The following SH3RF1 variants were observed in gnomAD, a reference collection of about 807,000 sequenced individuals.
SH3RF1 encodes E3 ubiquitin-protein ligase SH3RF1.
A neutral mutation model predicts 74.0 loss-of-function variants in SH3RF1; 32 were observed. That is an observed-to-expected ratio of 0.43 (90% CI 0.33 to 0.58). The LOEUF is 0.58. Among genes scored for constraint, SH3RF1 ranks in the 20% least tolerant of loss-of-function variants. The probability of loss-of-function intolerance (pLI) is 0.05; values close to 1 mark genes in which losing one functional copy is unlikely to be tolerated. For synonymous variants in SH3RF1, 396 were observed against 439.6 expected, an observed-to-expected ratio of 0.90 and a Z score of 1.24; for missense variants, 954 against 1,130.9, an observed-to-expected ratio of 0.84 and a Z score of 2.24.
At chr4:169,203,633 G>C (rs898089365) in intron 2 of SH3RF1, among the ~76,000 whole-genome samples, 3 of 152,102 alleles carry the variant, frequency 2.0e-5, no homozygotes, top group African/African-American at 7.2e-5. Flanking sequence ...TTCTGTAAGT[G>C]TATGGAATAT....
chr4:169,177,506 A>G (rs979935881), intron 2 of SH3RF1, among the ~76,000 whole-genome samples: 8 of 152,256 alleles, frequency 5.3e-5, no homozygotes, highest in African/African-American at 1.9e-4. Context: ...TAATGAGCAC[A>G]CAATAAATTT....
At chr4:169,154,312 C>T (rs1734018652) in intron 4 of SH3RF1, among the ~76,000 whole-genome samples, 1 of 152,142 alleles carries the variant, frequency 6.6e-6, no homozygotes, top group Admixed American at 6.5e-5. Context: ...CATGGATATA[C>T]AGTAGTCAAA....
chr4:169,166,739 A>G, intron 2 of SH3RF1: 1 of 214,728 alleles, frequency 4.7e-6, no homozygotes, highest in Non-Finnish European at 9.4e-6. Context: ...GGTGTCACAG[A>G]GGCAAGAGAA....
intron 2 of SH3RF1, among the ~76,000 whole-genome samples, chr4:169,234,842 T>C (rs551000473): frequency 6.6e-4 from 101 of 152,156 alleles, no homozygotes; most frequent in Non-Finnish European, 7.5e-4. Flanking sequence ...TAGTTGTTTG[T>C]TGGGGAGCGT....
chr4:169,095,325 T>TGGCTTTG lies in SH3RF1; in HGVS notation c.*1187_*1193dup, dbSNP rs1454780618. 3 of 152,662 alleles carry TGGCTTTG rather than the reference T, an allele frequency of 2.0e-5. No homozygotes were observed. The highest frequency in any genetic ancestry group is 7.2e-5 in the African/African-American group (3 of 41,440). The allele number at this position is 152,662 out of a possible 1,614,324, so 9.5% of individuals were successfully genotyped here. A position where few individuals can be genotyped will look rare whatever the true frequency, so the allele number is the denominator to read the frequency against. Reference sequence around the variant, plus strand: ...GCACTGAAGAGACCTTGGTCAGTAGTGGCTTTGGGGTAGAGAAGAGAACAC... The same window carrying TGGCTTTG: ...GCACTGAAGAGACCTTGGTCAGTAGTGGCTTTGGGCTTTGGGGTAGAGAAGAGAACAC... On this transcript the variant is annotated 3_prime_UTR_variant, in exon 12 of 12. Transcript: ENST00000284637.
At chr4:169,112,159 C>T (rs1165415688) in intron 10 of SH3RF1, among the ~76,000 whole-genome samples, 7 of 152,162 alleles carry the variant, frequency 4.6e-5, no homozygotes, top group African/African-American at 1.2e-4. Flanking sequence ...GATGATGATG[C>T]TCACAAAATG....
chr4:169,216,458 G>A (rs905083970), intron 2 of SH3RF1, among the ~76,000 whole-genome samples: 6 of 152,034 alleles, frequency 3.9e-5, no homozygotes, highest in African/African-American at 1.4e-4. Flanking sequence ...TTCCATAACT[G>A]TTCTTGCTCC....
intron 2 of SH3RF1, among the ~76,000 whole-genome samples, chr4:169,250,470 A>T (rs1731083736): frequency 6.6e-6 from 1 of 152,256 alleles, no homozygotes. Context: ...CTGAATGAAT[A>T]ACAGTCATTC....
intron 4 of SH3RF1, among the ~76,000 whole-genome samples, chr4:169,143,866 G>T (rs1433016044): frequency 1.3e-5 from 2 of 152,108 alleles, no homozygotes; most frequent in African/African-American, 4.8e-5. Context: ...TCTTGTTCAG[G>T]TTTCTGACTT....
intron 10 of SH3RF1, among the ~76,000 whole-genome samples, chr4:169,114,704 G>A (rs1733302944): frequency 6.6e-6 from 1 of 152,142 alleles, no homozygotes; most frequent in Non-Finnish European, 1.5e-5. Flanking sequence ...GAACATGTTG[G>A]CTTGAGTGCA....
At chr4:169,105,155 C>T (rs1025115480) in intron 11 of SH3RF1, among the ~76,000 whole-genome samples, 4 of 151,972 alleles carry the variant, frequency 2.6e-5, no homozygotes, top group Non-Finnish European at 5.9e-5. Flanking sequence ...ATAGAAAATG[C>T]TACCAAAAAA....
intron 10 of SH3RF1, among the ~76,000 whole-genome samples, chr4:169,114,679 T>C (rs1295129370): frequency 6.6e-6 from 1 of 152,214 alleles, no homozygotes; most frequent in Non-Finnish European, 1.5e-5. Flanking sequence ...TATTTATAAA[T>C]ATATTAACAA....
chr4:169,213,090 C>T (rs142721028), intron 2 of SH3RF1, among the ~76,000 whole-genome samples: 4 of 152,262 alleles, frequency 2.6e-5, no homozygotes, highest in Admixed American at 6.5e-5. Flanking sequence ...GAGTATGTTT[C>T]GTTTTGTAAG....
At chr4:169,248,700 G>A (rs1579161887) in intron 2 of SH3RF1, among the ~76,000 whole-genome samples, 1 of 152,282 alleles carries the variant, frequency 6.6e-6, no homozygotes, top group South Asian at 2.1e-4. Flanking sequence ...AAACATCCAC[G>A]TGAGCAGTCC....
intron 2 of SH3RF1, among the ~76,000 whole-genome samples, chr4:169,172,823 T>G (rs1734355050): frequency 6.6e-6 from 1 of 152,132 alleles, no homozygotes; most frequent in South Asian, 2.1e-4. Context: ...TGGGATGTAA[T>G]GGTAACCAGT....
At chr4:169,219,517 A>G (rs919353526) in intron 2 of SH3RF1, among the ~76,000 whole-genome samples, 8 of 152,154 alleles carry the variant, frequency 5.3e-5, no homozygotes, top group Non-Finnish European at 1.0e-4. Flanking sequence ...TTCGCTTACA[A>G]AAAAAACCAA....
At chr4:169,227,178 C>T (rs1730664912) in intron 2 of SH3RF1, among the ~76,000 whole-genome samples, 1 of 151,176 alleles carries the variant, frequency 6.6e-6, no homozygotes. Context: ...AAAAAAAACA[C>T]ATAAGAAAGA....
intron 10 of SH3RF1, among the ~76,000 whole-genome samples, chr4:169,109,868 G>T (rs1038703282): frequency 4.0e-5 from 6 of 151,668 alleles, no homozygotes; most frequent in African/African-American, 1.5e-4. Context: ...AATTAGCCAG[G>T]TGTGGTGGTG....
intron 2 of SH3RF1, among the ~76,000 whole-genome samples, chr4:169,193,791 G>A (rs547831752): frequency 9.8e-5 from 15 of 152,342 alleles, no homozygotes; most frequent in Admixed American, 9.2e-4. Flanking sequence ...TTAACACTCA[G>A]TGATGAAAAC....
Sources: gnomAD v4.1 joint callset for allele counts (sites outside exome capture counted in the v4.1 genomes callset) on GRCh38, gnomAD v4.1.1 for gene constraint, MANE v1.5 for transcripts, NCBI Gene and HGNC (gene_info 2026-07-23, HGNC 2026-07-21) for gene names.